The following MACROD2 variants were observed in gnomAD, a reference collection of about 807,000 sequenced individuals.
MACROD2 encodes ADP-ribose glycohydrolase MACROD2.
A neutral mutation model predicts 70.4 loss-of-function variants in MACROD2; 36 were observed. The observed-to-expected ratio is 0.51, with a 90% CI of 0.39 to 0.68. MACROD2 has a LOEUF of 0.68. Ranked by LOEUF, MACROD2 falls within the 30% of genes least tolerant of loss-of-function variation. The probability of loss-of-function intolerance (pLI) is 0.00; values close to 1 mark genes in which losing one functional copy is unlikely to be tolerated. For missense variants in MACROD2, 496 were observed against 538.4 expected (o/e 0.92, Z 0.78); for synonymous variants, 172 against 178.8 (o/e 0.96, Z 0.30).
At chr20:15,171,668 C>A (rs2076423756) in intron 5 of MACROD2, among the ~76,000 whole-genome samples, 1 of 152,122 alleles carries the variant, frequency 6.6e-6, no homozygotes, top group South Asian at 2.1e-4. Context: ...TACTTCAGGT[C>A]TCAGCTAAAA....
chr20:14,040,445 G>T (rs1173216579), intron 2 of MACROD2, among the ~76,000 whole-genome samples: 1 of 152,130 alleles, frequency 6.6e-6, no homozygotes, highest in Non-Finnish European at 1.5e-5. Context: ...TGGGGAAGAG[G>T]TATTGTTTGG....
intron 4 of MACROD2, among the ~76,000 whole-genome samples, chr20:14,506,633 C>T (rs370855890): frequency 1.9e-4 from 29 of 152,284 alleles, no homozygotes; most frequent in African/African-American, 6.0e-4. Context: ...AACCTTCCAG[C>T]ACCGATAACT....
At chr20:15,976,809 CAA>C (rs757038221) in intron 13 of MACROD2, among the ~76,000 whole-genome samples, 1 of 152,116 alleles carries the variant, frequency 6.6e-6, no homozygotes, top group Non-Finnish European at 1.5e-5. Flanking sequence ...TGAAACAGAT[CAA>C]GAGTAGAGAC....
At chr20:14,601,332 A>C (rs1243510183) in intron 4 of MACROD2, among the ~76,000 whole-genome samples, 3 of 152,110 alleles carry the variant, frequency 2.0e-5, no homozygotes, top group African/African-American at 4.8e-5. Context: ...TGCAGTTCAC[A>C]ATAGGGTTAG....
At chr20:15,458,057 T>A (rs1273823914) in intron 7 of MACROD2, among the ~76,000 whole-genome samples, 2 of 151,724 alleles carry the variant, frequency 1.3e-5, no homozygotes, top group Non-Finnish European at 2.9e-5. Flanking sequence ...GTTCTGTTTT[T>A]CTAAACTCAA....
At chr20:15,333,552 T>C (rs2078016220) in intron 6 of MACROD2, among the ~76,000 whole-genome samples, 1 of 151,524 alleles carries the variant, frequency 6.6e-6, no homozygotes, top group Admixed American at 6.6e-5. Context: ...AAAATAGACA[T>C]GTAGCCATCG....
chr20:15,254,676 G>A (rs77996820), intron 6 of MACROD2, among the ~76,000 whole-genome samples: 247 of 152,206 alleles, frequency 1.6e-3, no homozygotes, highest in Middle Eastern at 6.8e-3. Flanking sequence ...AACAAACAAG[G>A]TGCTAAAGAC....
chr20:14,991,338 TGCCTAGGTCTTGG>T (rs1168417938), intron 5 of MACROD2, among the ~76,000 whole-genome samples: 1 of 151,996 alleles, frequency 6.6e-6, no homozygotes, highest in Non-Finnish European at 1.5e-5. Flanking sequence ...CAAACACAAA[TGCCTAGGTCTTGG>T]GTAGATTCCA....
At chr20:15,881,894 T>C (rs1399811966) in intron 9 of MACROD2, among the ~76,000 whole-genome samples, 1 of 152,150 alleles carries the variant, frequency 6.6e-6, no homozygotes, top group Non-Finnish European at 1.5e-5. Context: ...ATTTCTTTCA[T>C]TGTTATACTT....
At chr20:15,855,893 T>C (rs1477722316) in intron 8 of MACROD2, among the ~76,000 whole-genome samples, 1 of 152,198 alleles carries the variant, frequency 6.6e-6, no homozygotes, top group Non-Finnish European at 1.5e-5. Context: ...AATATTCCAT[T>C]ATATGAGTAC....
intron 5 of MACROD2, among the ~76,000 whole-genome samples, chr20:14,723,735 A>C (rs1246405219): frequency 1.3e-5 from 2 of 151,840 alleles, no homozygotes; most frequent in African/African-American, 4.8e-5. Context: ...GGCTTTTCAC[A>C]AAAATTATGT....
chr20:15,615,742 T>C (rs1304036156), intron 8 of MACROD2, among the ~76,000 whole-genome samples: 2 of 152,264 alleles, frequency 1.3e-5, no homozygotes, highest in South Asian at 4.1e-4. Context: ...AACAGACATT[T>C]ATCCCTCCCT....
intron 3 of MACROD2, among the ~76,000 whole-genome samples, chr20:14,274,611 AC>A (rs983041477): frequency 1.1e-4 from 16 of 151,804 alleles, no homozygotes; most frequent in African/African-American, 3.1e-4. Context: ...CTCTCTCACC[AC>A]TCCTATTCAA....
At chr20:14,693,621 A>T (rs988212341) in intron 5 of MACROD2, among the ~76,000 whole-genome samples, 1 of 152,238 alleles carries the variant, frequency 6.6e-6, no homozygotes, top group Non-Finnish European at 1.5e-5. Flanking sequence ...AGGCCATGTT[A>T]TGACTTGATT....
chr20:15,862,989 G>T (rs576886516), intron 9 of MACROD2, among the ~76,000 whole-genome samples, 163 bp downstream of exon 9: 3 of 151,772 alleles, frequency 2.0e-5, no homozygotes, highest in Admixed American at 2.0e-4. Context: ...GAAAATCTAG[G>T]CTGTGGAACT....
intron 3 of MACROD2, among the ~76,000 whole-genome samples, chr20:14,146,088 T>C (rs1278488375): frequency 6.6e-6 from 1 of 152,130 alleles, no homozygotes; most frequent in Non-Finnish European, 1.5e-5. Flanking sequence ...TTTGGGAGGC[T>C]GAGGCGGGCG....
chr20:15,753,135 A>G (rs1216872207), intron 8 of MACROD2, among the ~76,000 whole-genome samples: 10 of 152,062 alleles, frequency 6.6e-5, no homozygotes, highest in Admixed American at 5.9e-4. Flanking sequence ...TATATTTTCA[A>G]CTTCTTATTT....
intron 8 of MACROD2, among the ~76,000 whole-genome samples, chr20:15,837,689 AATTTTATTAACATATATATTGGCCTCTG>A (rs2064129478): frequency 6.6e-6 from 1 of 152,166 alleles, no homozygotes; most frequent in Non-Finnish European, 1.5e-5. Flanking sequence ...TTAACAAAAC[AATTTTATTAACATATATATTGGCCTCTG>A]AGCTGCTTCT....
At chr20:14,374,636 A>G (rs2083355694) in intron 3 of MACROD2, among the ~76,000 whole-genome samples, 2 of 152,294 alleles carry the variant, frequency 1.3e-5, no homozygotes, top group South Asian at 4.1e-4. Context: ...CTGTGGCATC[A>G]GCAATAATAG....
Sources: gnomAD v4.1 joint callset for allele counts (sites outside exome capture counted in the v4.1 genomes callset) on GRCh38, gnomAD v4.1.1 for gene constraint, MANE v1.5 for transcripts, NCBI Gene and HGNC (gene_info 2026-07-23, HGNC 2026-07-21) for gene names.